Variants in NOS1AP observed in about 807,000 individuals in gnomAD.
The protein encoded by NOS1AP is carboxyl-terminal PDZ ligand of neuronal nitric oxide synthase protein.
In NOS1AP, 21 loss-of-function variants were observed where a neutral mutation model predicts 56.2. The observed-to-expected ratio is 0.37, with a 90% CI of 0.26 to 0.54. NOS1AP has a LOEUF of 0.54. Ranked by LOEUF, NOS1AP falls within the 20% of genes least tolerant of loss-of-function variation. The pLI is 0.84. For missense variants in NOS1AP, 522 were observed against 657.8 expected, an observed-to-expected ratio of 0.79 and a Z score of 2.26; for synonymous variants, 270 against 274.6, an observed-to-expected ratio of 0.98 and a Z score of 0.17.
At chr1:162,144,902 C>G (rs1026960283) in intron 1 of NOS1AP, among the ~76,000 whole-genome samples, 1 of 152,196 alleles carries the variant, frequency 6.6e-6, no homozygotes, top group Non-Finnish European at 1.5e-5. Context: ...ACACAGCCTC[C>G]CCATGGGCAC....
chr1:162,283,985 C>G (rs1047809484), intron 2 of NOS1AP, among the ~76,000 whole-genome samples: 6 of 152,222 alleles, frequency 3.9e-5, no homozygotes, highest in Non-Finnish European at 8.8e-5. Context: ...CTGGCAAAGC[C>G]TGAGCAGATT....
intron 2 of NOS1AP, among the ~76,000 whole-genome samples, chr1:162,259,793 G>A (rs1342050835): frequency 6.6e-6 from 1 of 152,044 alleles, no homozygotes; most frequent in African/African-American, 2.4e-5. Context: ...TTTTAATCTG[G>A]CTTACATAAG....
chr1:162,272,135 A>ACTT, intron 2 of NOS1AP, among the ~76,000 whole-genome samples: 1 of 152,204 alleles, frequency 6.6e-6, no homozygotes, highest in Non-Finnish European at 1.5e-5. Context: ...TACAGGCATG[A>ACTT]GCCACCACTC....
intron 4 of NOS1AP, chr1:162,317,793 G>C (rs1014437885): frequency 2.6e-5 from 4 of 152,230 alleles, no homozygotes; most frequent in African/African-American, 9.6e-5. Context: ...CTATGAGAAA[G>C]GGAAGTCAGT....
intron 1 of NOS1AP, among the ~76,000 whole-genome samples, chr1:162,117,610 C>T (rs1444056330): frequency 1.3e-5 from 2 of 152,230 alleles, no homozygotes; most frequent in Non-Finnish European, 2.9e-5. Flanking sequence ...GTCTTTCAGA[C>T]ATGCCACTGA....
chr1:162,312,209 AG>A (rs1477183557), intron 4 of NOS1AP, among the ~76,000 whole-genome samples: 1 of 144,428 alleles, frequency 6.9e-6, no homozygotes, highest in Non-Finnish European at 1.5e-5. Flanking sequence ...ACAGTGTAAA[AG>A]TGTTCCTATT....
intron 1 of NOS1AP, among the ~76,000 whole-genome samples, chr1:162,083,599 A>T (rs1192791551): frequency 6.6e-6 from 1 of 152,172 alleles, no homozygotes. Context: ...GGTTAAACAG[A>T]CTATATTCTG....
intron 1 of NOS1AP, among the ~76,000 whole-genome samples, chr1:162,079,824 A>G (rs1187636509): frequency 1.3e-5 from 2 of 152,188 alleles, no homozygotes; most frequent in African/African-American, 4.8e-5. Context: ...TATTATCTTC[A>G]TTATACATGC....
intron 2 of NOS1AP, among the ~76,000 whole-genome samples, chr1:162,263,448 C>T (rs1307584629): frequency 6.6e-6 from 1 of 152,152 alleles, no homozygotes; most frequent in Non-Finnish European, 1.5e-5. Flanking sequence ...CCATTAGGCC[C>T]CACCTCCTAA....
intron 4 of NOS1AP, among the ~76,000 whole-genome samples, chr1:162,304,392 A>C (rs1320260614): frequency 6.6e-6 from 1 of 152,224 alleles, no homozygotes; most frequent in African/African-American, 2.4e-5. Context: ...CTAGTACCAC[A>C]CTGTCTTGAT....
intron 8 of NOS1AP, among the ~76,000 whole-genome samples, chr1:162,361,331 A>G (rs1337800249): frequency 6.6e-6 from 1 of 152,184 alleles, no homozygotes; most frequent in Non-Finnish European, 1.5e-5. Context: ...CCCCTGTTGT[A>G]TGAATGGGGA....
intron 2 of NOS1AP, among the ~76,000 whole-genome samples, chr1:162,272,498 C>T (rs551335570): frequency 6.6e-6 from 1 of 152,294 alleles, no homozygotes; most frequent in South Asian, 2.1e-4. Context: ...GAGGCAGCAA[C>T]ACGAAAAGAT....
At chr1:162,120,512 C>T (rs545362910) in intron 1 of NOS1AP, among the ~76,000 whole-genome samples, 175 of 152,326 alleles carry the variant, frequency 1.1e-3, no homozygotes, top group African/African-American at 4.1e-3. Flanking sequence ...GTTTAATGGA[C>T]TCACAGTTCC....
At chr1:162,155,873 A>G (rs1438545748) in intron 2 of NOS1AP, among the ~76,000 whole-genome samples, 1 of 152,184 alleles carries the variant, frequency 6.6e-6, no homozygotes, top group Non-Finnish European at 1.5e-5. Flanking sequence ...TCATCCCTGG[A>G]TGCAGCCTGG....
intron 2 of NOS1AP, among the ~76,000 whole-genome samples, chr1:162,253,062 A>G (rs1653918316): frequency 6.6e-6 from 1 of 152,210 alleles, no homozygotes; most frequent in South Asian, 2.1e-4. Context: ...CACTGTCACA[A>G]TATTAAGAGG....
chr1:162,348,236 G>C (rs939313736), intron 6 of NOS1AP, among the ~76,000 whole-genome samples: 8 of 152,190 alleles, frequency 5.3e-5, no homozygotes, highest in African/African-American at 1.4e-4. Context: ...ATGCCAAAAT[G>C]AACAGAGATT....
chr1:162,190,189 C>T (rs1403422516), intron 2 of NOS1AP, among the ~76,000 whole-genome samples: 6 of 152,146 alleles, frequency 3.9e-5, no homozygotes, highest in Non-Finnish European at 7.4e-5. Context: ...CCTCTCTGGC[C>T]ATGTTCACAT....
At chr1:162,100,437 A>C (rs1692358355) in intron 1 of NOS1AP, among the ~76,000 whole-genome samples, 1 of 152,156 alleles carries the variant, frequency 6.6e-6, no homozygotes, top group Non-Finnish European at 1.5e-5. Context: ...TCTTCTTTTG[A>C]GAAGTGTCTG....
chr1:162,289,623 C>T (rs904293935), intron 3 of NOS1AP, among the ~76,000 whole-genome samples: 117 of 151,622 alleles, frequency 7.7e-4, no homozygotes, highest in African/African-American at 2.7e-3. Flanking sequence ...TACAGGCGCC[C>T]GCCACTACGC....
Sources: gnomAD v4.1 joint callset for allele counts (sites outside exome capture counted in the v4.1 genomes callset) on GRCh38, gnomAD v4.1.1 for gene constraint, MANE v1.5 for transcripts, NCBI Gene and HGNC (gene_info 2026-07-23, HGNC 2026-07-21) for gene names.